ARHGEF3: variants seen among roughly 807,000 people sequenced by gnomAD.
ARHGEF3 encodes 59.8 kDA protein.
Under a neutral mutation model 63.2 loss-of-function variants are expected in ARHGEF3, and 28 were observed. That is an observed-to-expected ratio of 0.44 (90% CI 0.33 to 0.61). The LOEUF (loss-of-function observed/expected upper bound fraction) is 0.61. Among genes scored for constraint, ARHGEF3 ranks in the 20% least tolerant of loss-of-function variants. ARHGEF3 has a pLI of 0.03. For synonymous variants in ARHGEF3, 266 were observed against 254.2 expected, an observed-to-expected ratio of 1.05 and a Z score of -0.44; for missense variants, 533 against 659.3, an observed-to-expected ratio of 0.81 and a Z score of 2.10.
At chr3:56,893,292 C>A (rs1270997117) in intron 3 of ARHGEF3, among the ~76,000 whole-genome samples, 1 of 152,166 alleles carries the variant, frequency 6.6e-6, no homozygotes, top group African/African-American at 2.4e-5. Flanking sequence ...ATCCTCCCAC[C>A]TTAGCCTCCC....
At chr3:56,898,619 TG>T in intron 3 of ARHGEF3, 1 of 283,356 alleles carries the variant, frequency 3.5e-6, no homozygotes, top group Non-Finnish European at 7.8e-6. Flanking sequence ...TGTTTTCTTC[TG>T]GGGTGATCCC....
chr3:57,078,018 G>A (rs1211380621), intron 1 of ARHGEF3, among the ~76,000 whole-genome samples: 1 of 152,116 alleles, frequency 6.6e-6, no homozygotes, highest in South Asian at 2.1e-4. Context: ...CTGTGCACGC[G>A]CTGTTAGATG....
intron 4 of ARHGEF3, among the ~76,000 whole-genome samples, chr3:56,816,668 C>A (rs1017027716): frequency 6.6e-6 from 1 of 152,198 alleles, no homozygotes; most frequent in Admixed American, 6.5e-5. Context: ...TTACAACAAT[C>A]CTATGAAATG....
chr3:57,034,670 T>G (rs2107224585), intron 2 of ARHGEF3, among the ~76,000 whole-genome samples: 1 of 147,814 alleles, frequency 6.8e-6, no homozygotes, highest in South Asian at 2.2e-4. Flanking sequence ...TTTTTTTTTT[T>G]TTTTTTGACA....
chr3:57,054,552 T>A (rs1041173819), intron 1 of ARHGEF3, among the ~76,000 whole-genome samples: 1 of 151,042 alleles, frequency 6.6e-6, no homozygotes, highest in African/African-American at 2.4e-5. Context: ...GTGGGAGGAT[T>A]GCTTGAGCCC....
chr3:56,793,415 C>G (rs937745494), intron 1 of ARHGEF3, among the ~76,000 whole-genome samples: 1 of 152,106 alleles, frequency 6.6e-6, no homozygotes. Flanking sequence ...ATGATCCGCT[C>G]GCCTCGGCTG....
chr3:56,759,381 T>A (rs1002564395), intron 2 of ARHGEF3, among the ~76,000 whole-genome samples: 2 of 152,074 alleles, frequency 1.3e-5, no homozygotes, highest in Admixed American at 6.5e-5. Context: ...GGTTTCACCA[T>A]GTTGGTCTCG....
intron 3 of ARHGEF3, among the ~76,000 whole-genome samples, chr3:56,958,144 T>C (rs746871531): frequency 8.5e-5 from 13 of 152,072 alleles, no homozygotes; most frequent in Non-Finnish European, 1.8e-4. Context: ...AAACTCTACA[T>C]TTCTGATTTC....
At position 56,873,298 on chromosome 3, in the gene ARHGEF3, T is replaced by G. The variant is rs184764679; in HGVS notation, c.192+8994A>C. On this transcript the variant is annotated intron_variant, in intron 4 of 12. Transcript: ENST00000338458. The stretch of plus-strand genomic sequence containing the variant: ...CATAGGTAAACATGTGTCATGGGGG[T>G]TTGTTGTAGAGATTATTTCATCACC... Among the ~76,000 whole-genome samples, 10 of 151,212 alleles carry G rather than the reference T, an allele frequency of 6.6e-5. No homozygotes were observed. In the East Asian group the frequency reaches 1.9e-3, roughly 29 times the overall value.
At chr3:56,747,330 T>G (rs928616266) in intron 6 of ARHGEF3, among the ~76,000 whole-genome samples, 2 of 152,272 alleles carry the variant, frequency 1.3e-5, no homozygotes, top group African/African-American at 4.8e-5. Flanking sequence ...GTGATCCTGC[T>G]GCCCTGCTAC....
intron 2 of ARHGEF3, among the ~76,000 whole-genome samples, chr3:56,972,225 A>G (rs1271456022): frequency 6.6e-6 from 1 of 152,080 alleles, no homozygotes; most frequent in Non-Finnish European, 1.5e-5. Flanking sequence ...AAGTCCATCA[A>G]ATTACTTTGG....
At chr3:56,891,941 G>A (rs922026724) in intron 3 of ARHGEF3, among the ~76,000 whole-genome samples, 8 of 152,148 alleles carry the variant, frequency 5.3e-5, no homozygotes, top group African/African-American at 1.9e-4. Flanking sequence ...TCTTAGCCAT[G>A]GAACACCTGG....
intron 3 of ARHGEF3, among the ~76,000 whole-genome samples, chr3:56,954,095 A>G (rs1699935186): frequency 6.6e-6 from 1 of 152,212 alleles, no homozygotes; most frequent in Non-Finnish European, 1.5e-5. Flanking sequence ...GGACTAGACA[A>G]AAGTAAAGAC....
At chr3:57,074,421 C>T in intron 1 of ARHGEF3, 2 of 653,104 alleles carry the variant, frequency 3.1e-6, no homozygotes, top group Non-Finnish European at 2.7e-6. Context: ...TCCAAGAAGC[C>T]TCCCTGTCAC....
At chr3:57,040,032 A>C (rs1308590867) in intron 1 of ARHGEF3, among the ~76,000 whole-genome samples, 1 of 152,212 alleles carries the variant, frequency 6.6e-6, no homozygotes, top group Non-Finnish European at 1.5e-5. Flanking sequence ...CTTATCAACA[A>C]TAGAATGAAT....
chr3:56,910,090 C>T (rs559036842), intron 3 of ARHGEF3, among the ~76,000 whole-genome samples: 2 of 152,182 alleles, frequency 1.3e-5, no homozygotes, highest in South Asian at 2.1e-4. Context: ...CACTGAGTTT[C>T]GGGGTAGCTG....
chr3:56,876,497 G>A (rs1485929731), intron 4 of ARHGEF3, among the ~76,000 whole-genome samples: 1 of 152,052 alleles, frequency 6.6e-6, no homozygotes, highest in African/African-American at 2.4e-5. Context: ...AGAGGGAAGG[G>A]GTGAGATTCA....
At chr3:56,811,299 A>G (rs919711091) in intron 4 of ARHGEF3, among the ~76,000 whole-genome samples, 2 of 151,186 alleles carry the variant, frequency 1.3e-5, no homozygotes, top group African/African-American at 4.9e-5. Flanking sequence ...TTAAAAAATT[A>G]GCTGTAGAGC....
intron 3 of ARHGEF3, among the ~76,000 whole-genome samples, chr3:56,945,402 T>C (rs991581748): frequency 1.3e-5 from 2 of 151,970 alleles, no homozygotes; most frequent in African/African-American, 4.8e-5. Context: ...ACCTGGAAAA[T>C]TGGGTCACTC....
Sources: gnomAD v4.1 joint callset for allele counts (sites outside exome capture counted in the v4.1 genomes callset) on GRCh38, gnomAD v4.1.1 for gene constraint, MANE v1.5 for transcripts, NCBI Gene and HGNC (gene_info 2026-07-23, HGNC 2026-07-21) for gene names.